Variants in CTNS observed in about 807,000 individuals in gnomAD.
The protein encoded by CTNS is cystinosin, lysosomal cystine transporter, also known as cystinosin.
Under a neutral mutation model 43.7 loss-of-function variants are expected in CTNS, and 27 were observed. The ratio of observed to expected loss-of-function variants is 0.62; its 90% CI spans 0.46 to 0.85. The LOEUF (loss-of-function observed/expected upper bound fraction) is 0.85, where lower values mean the gene tolerates loss of function less well. Among genes scored for constraint, CTNS ranks in the 40% least tolerant of loss-of-function variants. The pLI, the probability that CTNS is intolerant of heterozygous loss-of-function variation, is 0.00. For missense variants in CTNS, 457 were observed against 475.4 expected (o/e 0.96, Z 0.36); for synonymous variants, 187 against 190.6 (o/e 0.98, Z 0.16).
intron 11 of CTNS, 85 bp downstream of exon 11, chr17:3,660,060 C>T: frequency 6.9e-7 from 1 of 1,440,682 alleles, no homozygotes; most frequent in Non-Finnish European, 9.7e-7. Context: ...AGCCAGGGCT[C>T]CACCCCCACC....
At chr17:3,647,394 G>T (rs755782742) in intron 3 of CTNS, 50 bp from the exon 4 acceptor site, 1 of 1,526,230 alleles carries the variant, frequency 6.6e-7, no homozygotes, top group Non-Finnish European at 9.1e-7. Flanking sequence ...TTCTGTCACA[G>T]GCCTGAACTC....
At chr17:3,644,903 C>G (rs913050013) in intron 3 of CTNS, among the ~76,000 whole-genome samples, 21 of 152,218 alleles carry the variant, frequency 1.4e-4, no homozygotes, top group Admixed American at 7.9e-4. Flanking sequence ...GCCCGGCCCT[C>G]AACCTCCTAT....
intron 2 of CTNS, among the ~76,000 whole-genome samples, chr17:3,638,574 T>C (rs1021548550): frequency 5.3e-5 from 8 of 152,254 alleles, no homozygotes; most frequent in Admixed American, 4.6e-4. Flanking sequence ...TTGACTTACC[T>C]CTCAATGTCG....
chr17:3,649,478 C>A (rs1017286718), intron 5 of CTNS, among the ~76,000 whole-genome samples: 3 of 149,280 alleles, frequency 2.0e-5, no homozygotes, highest in African/African-American at 4.9e-5. Flanking sequence ...AAAGTTCTTA[C>A]AATTTTCAAG....
chr17:3,660,472 T>C lies in CTNS; in HGVS notation c.*103T>C, dbSNP rs996245701. The stretch of plus-strand genomic sequence containing the variant: ...GCGGTTGGGCCCTGGCACACAGGGC[T>C]GGCTCAGTGTGCGGACAGAGGAGAC... On this transcript the variant is annotated 3_prime_UTR_variant, in exon 12 of 12. Transcript: ENST00000046640. 5 of 1,612,940 alleles carry C rather than the reference T, an allele frequency of 3.1e-6. No individual in the cohort carries two copies. The African/African-American group carries it at 6.7e-5, about 22-fold the overall frequency.
chr17:3,655,386 G>C lies in CTNS; in HGVS notation c.461+34G>C, dbSNP rs758144420. ...CTGGGCCGTATGTGCAGGCTCTCTCGGGGCCCCTAGGAGCAGGGCGTTCCA... is the reference window on the plus strand; with the variant it reads ...CTGGGCCGTATGTGCAGGCTCTCTCCGGGCCCCTAGGAGCAGGGCGTTCCA... On this transcript the variant is annotated intron_variant, in intron 7 of 11. Coordinates refer to ENST00000046640, the MANE Select transcript of CTNS (RefSeq NM_004937.3). The C allele has an allele frequency of 1.2e-5, 20 of 1,612,610 alleles. No individual in the cohort carries two copies. In the Admixed American group the frequency reaches 2.5e-4, roughly 20 times the overall value.
At chr17:3,643,584 A>T (rs941543950) in intron 3 of CTNS, among the ~76,000 whole-genome samples, 2 of 128,680 alleles carry the variant, frequency 1.6e-5, no homozygotes, top group Non-Finnish European at 3.8e-5. Flanking sequence ...ATTTTTTTTT[A>T]AACGGATTCT....
rs1488843806 is a variant in CTNS at position 3,659,970 on chromosome 17, A to G, written c.965A>G (p.Asn322Ser). 10 of 1,612,508 alleles carry G rather than the reference A, an allele frequency of 6.2e-6. No individual in the cohort carries two copies. In the East Asian group the frequency reaches 2.0e-4, roughly 32 times the overall value. The stretch of plus-strand genomic sequence containing the variant: ...CTGCAGATGTTCCTCCAGTCCTACA[A>G]CAACGGTGAGTCAGCCAGCGGGCTG... Reference protein sequence around the residue: ...SLLQMFLQSYNNDQWTLIFGD... With the variant: ...SLLQMFLQSYSNDQWTLIFGD... The change falls in exon 11 of 12, where the codon AAC becomes AGC. Residue 322 changes from asparagine to serine, a missense_variant. Physicochemically the swap from Asn to Ser is conservative, Grantham distance 46 (BLOSUM62 1). Transcript: ENST00000046640.
chr17:3,648,435 T>C (rs1327111622), intron 4 of CTNS, among the ~76,000 whole-genome samples: 1 of 152,216 alleles, frequency 6.6e-6, no homozygotes, highest in East Asian at 1.9e-4. Context: ...CTCTCCCAGC[T>C]TTCCAAGTCC....
At chr17:3,658,306 G>A in intron 10 of CTNS, 131 bp downstream of exon 10, 2 of 1,282,062 alleles carry the variant, frequency 1.6e-6, no homozygotes, top group Admixed American at 4.0e-5. Context: ...GAGCCCGGGA[G>A]CCCAGCGGGA....
In CTNS at chr17:3,662,311, C is replaced by CAA. The variant is rs397856854; in HGVS notation, c.*1956_*1957dup. On this transcript the variant is annotated 3_prime_UTR_variant, in exon 12 of 12. Coordinates refer to ENST00000046640, the MANE Select transcript of CTNS (RefSeq NM_004937.3). ...GGGCAACAAGAACGAAACTCCATCT[C>CAA]AAAAAAAAAAAAAAATTATTGACTT... Among the ~76,000 whole-genome samples, 2 of 146,796 alleles carry CAA rather than the reference C, an allele frequency of 1.4e-5. No individual in the cohort carries two copies. Among genetic ancestry groups the CAA allele is most frequent in the African/African-American group, 2.5e-5 (1 of 40,160 alleles).
intron 4 of CTNS, among the ~76,000 whole-genome samples, chr17:3,648,271 C>G (rs1337650213): frequency 1.3e-5 from 2 of 152,228 alleles, no homozygotes; most frequent in Non-Finnish European, 2.9e-5. Flanking sequence ...ACACCCTCCC[C>G]CTGCAAATCT....
intron 11 of CTNS, 59 bp from the exon 12 acceptor site, chr17:3,660,177 T>A (rs1271129226): frequency 6.2e-7 from 1 of 1,611,904 alleles, no homozygotes; most frequent in African/African-American, 1.3e-5. Flanking sequence ...CCCCACAAGC[T>A]CCAGCTGCCT....
intron 2 of CTNS, among the ~76,000 whole-genome samples, chr17:3,638,104 G>T (rs941644553): frequency 1.3e-5 from 2 of 152,182 alleles, no homozygotes; most frequent in Non-Finnish European, 2.9e-5. Context: ...TCTGAATGAG[G>T]CCTGGACAAT....
At chr17:3,656,820 A>G in intron 9 of CTNS, 25 bp downstream of exon 9, 1 of 1,612,112 alleles carries the variant, frequency 6.2e-7, no homozygotes, top group South Asian at 1.1e-5. Context: ...GGCCCCCCAC[A>G]GGCCACCCCA....
chr17:3,637,914 C>A (rs11650527), intron 2 of CTNS, among the ~76,000 whole-genome samples: 9,006 of 152,240 alleles, frequency 0.059, 278 homozygotes, highest in Middle Eastern at 0.12. Flanking sequence ...TGCACACAGC[C>A]CTTGCCACTA....
intron 3 of CTNS, among the ~76,000 whole-genome samples, chr17:3,645,937 G>A (rs2075831565): frequency 6.7e-6 from 1 of 149,676 alleles, no homozygotes; most frequent in Non-Finnish European, 1.5e-5. Context: ...GCCTTTGAGG[G>A]GTCTGAGTGA....
intron 9 of CTNS, 22 bp downstream of exon 9, chr17:3,656,817 C>CA: frequency 6.2e-7 from 1 of 1,612,604 alleles, no homozygotes; most frequent in Non-Finnish European, 8.5e-7. Context: ...CCTGGCCCCC[C>CA]ACAGGCCACC....
intron 10 of CTNS, among the ~76,000 whole-genome samples, chr17:3,659,304 A>C (rs377577183): frequency 9.9e-5 from 15 of 152,250 alleles, no homozygotes; most frequent in African/African-American, 3.6e-4. Flanking sequence ...CCGCCCCCCC[A>C]ACCAGACCCA....
Sources: allele counts gnomAD v4.1 joint callset (sites outside exome capture counted in the v4.1 genomes callset), GRCh38; gene constraint gnomAD v4.1.1; transcripts MANE v1.5; gene names NCBI Gene and HGNC (gene_info 2026-07-23, HGNC 2026-07-21).